The following CEP290 variants were observed in gnomAD, a reference collection of about 807,000 sequenced individuals.
CEP290 encodes centrosomal protein of 290 kDa.
A neutral mutation model predicts 344.9 loss-of-function variants in CEP290; 317 were observed. The ratio of observed to expected loss-of-function variants is 0.92; its 90% CI spans 0.84 to 1.01. The LOEUF (loss-of-function observed/expected upper bound fraction) is 1.01, where lower values mean the gene tolerates loss of function less well. Among genes scored for constraint, CEP290 ranks in the 50% least tolerant of loss-of-function variants. The pLI is 0.00. For synonymous variants in CEP290, 932 were observed against 895.8 expected (o/e 1.04, Z -0.72); for missense variants, 2,754 against 2,761.4 (o/e 1.00, Z 0.06).
At position 88,089,258 on chromosome 12, in the gene CEP290, T is replaced by C; in HGVS notation, c.3803A>G (p.Gln1268Arg). Residue 1268 changes from glutamine (Q) to arginine (R), a missense_variant, in exon 31 of 54, where the codon CAG becomes CGG. Gln to Arg is a conservative substitution (Grantham distance 43). Coordinates refer to ENST00000552810, the MANE Select transcript of CEP290 (RefSeq NM_025114.4). ...TCCACTAAACTGTCGTCGTAGAGAC[T>C]GAATTGTTTGGCGCAGATGTTTTGC... ...NRAKHLRQTIQSLRRQFSGAL... is the reference protein window; with the variant it reads ...NRAKHLRQTIRSLRRQFSGAL... The C allele has an allele frequency of 2.5e-6, 4 of 1,614,006 alleles. No individual in the cohort carries two copies. Among genetic ancestry groups the C allele is most frequent in the Non-Finnish European group, 3.4e-6 (4 of 1,179,866 alleles).
In CEP290 at chr12:88,079,187, C is replaced by T. The variant is rs1330130948; in HGVS notation, c.5269G>A (p.Ala1757Thr). The change falls in exon 39 of 54, where the codon GCA (alanine) becomes ACA (threonine). Residue 1757 changes from alanine (A) to threonine (T), a missense_variant. Transcript: ENST00000552810. The stretch of plus-strand genomic sequence containing the variant: ...GAAATAATACGTTCTTCAGCAGCTG[C>T]TGTCATTTCTGCCCGGAGTTCTAAA... The part of the protein sequence containing the change: ...ALLELRAEMT[A>T]AAEERIISAT... 1 of 1,600,362 alleles carries T rather than the reference C, an allele frequency of 6.2e-7. No individual in the cohort carries two copies. Among genetic ancestry groups the T allele is most frequent in the South Asian group, 1.1e-5 (1 of 87,492 alleles).
chr12:88,087,719 CAAAAAAA>C (rs375540609), intron 32 of CEP290, 54 bp downstream of exon 32: 42 of 129,642 alleles, frequency 3.2e-4, no homozygotes, highest in Non-Finnish European at 4.0e-4. Flanking sequence ...GACTCCATCT[CAAAAAAA>C]AAAAAAAAAA....
intron 26 of CEP290, among the ~76,000 whole-genome samples, 178 bp from the exon 27 acceptor site, chr12:88,097,177 T>A (rs966327598): frequency 6.6e-6 from 1 of 152,134 alleles, no homozygotes; most frequent in African/African-American, 2.4e-5. Flanking sequence ...CATATATATA[T>A]AATACTTGTA....
At chr12:88,127,924 T>C (rs1361666956) in intron 11 of CEP290, among the ~76,000 whole-genome samples, 2 of 152,160 alleles carry the variant, frequency 1.3e-5, no homozygotes, top group African/African-American at 4.8e-5. Flanking sequence ...TGAAATGGTA[T>C]TAAGTCAAAA....
intron 44 of CEP290, among the ~76,000 whole-genome samples, chr12:88,068,155 T>C (rs2035081359): frequency 6.6e-6 from 1 of 152,188 alleles, no homozygotes; most frequent in Non-Finnish European, 1.5e-5. Context: ...TAATGAGTTT[T>C]TATAAGCTAA....
At position 88,141,990 on chromosome 12, in the gene CEP290, G is replaced by C. The variant is rs886049887; in HGVS notation, c.-118C>G. 2.6e-5 allele frequency: 4 copies of C among 152,376 alleles called. No individual in the cohort carries two copies. The highest frequency in any genetic ancestry group is 4.1e-4 in the South Asian group (2 of 4,830). 9.4% of individuals were successfully genotyped at this position (152,376 alleles called of 1,614,324 possible). ...CGGGCCCTGACAGATCCCTATCGCG[G>C]TTCCACGCGGACTCTGGGTCCAGCC... On this transcript the variant is annotated 5_prime_UTR_variant, in exon 1 of 54. Transcript: ENST00000552810.
intron 45 of CEP290, among the ~76,000 whole-genome samples, chr12:88,063,051 T>A (rs1022756640): frequency 3.3e-5 from 5 of 151,112 alleles, no homozygotes; most frequent in South Asian, 2.1e-4. Context: ...ATATTGCACA[T>A]ATAGATCCTT....
At chr12:88,125,443 T>G (rs1428936654) in intron 12 of CEP290, 74 bp from the exon 13 acceptor site, 13 of 763,294 alleles carry the variant, frequency 1.7e-5, no homozygotes, top group Non-Finnish European at 1.8e-6. Flanking sequence ...AAAGTACGTC[T>G]GATTTTTTTC....
rs770168358 is a variant in CEP290, at chr12:88,050,408, T to C, written c.7155A>G (p.Ile2385Met). 6 of 1,562,230 alleles carry C rather than the reference T, an allele frequency of 3.8e-6. No individual in the cohort carries two copies. The highest frequency in any genetic ancestry group is 4.4e-6 in the Non-Finnish European group (5 of 1,142,968). The change falls in exon 53 of 54, where the codon ATA (isoleucine) becomes ATG (methionine). Residue 2385 changes from isoleucine to methionine, a missense_variant. By Grantham distance (10) the Ile-to-Met change is conservative. Coordinates refer to ENST00000552810, the MANE Select transcript of CEP290 (RefSeq NM_025114.4). ...TTTTGAGCTGTGTCTCTAGATCTTT[T>C]ATTTTTTCCTTTAGTTGATCAGCAT... is the stretch of plus-strand genomic sequence containing the variant. ...IPDADQLKEK[I>M]KDLETQLKMS...
At chr12:88,111,889 T>C (rs2038717285) in intron 20 of CEP290, 31 bp from the exon 21 acceptor site, 15 of 1,416,540 alleles carry the variant, frequency 1.1e-5, no homozygotes, top group Non-Finnish European at 1.4e-5. Flanking sequence ...ATTAGAAATG[T>C]GGAGAAAAAC....
chr12:88,129,046 A>AC lies in CEP290; in HGVS notation c.853-12_853-11insG, dbSNP rs71082425. ...TGTAAGCTCCTGCACCTAAAAGACA[A>AC]AGTTATTTCAAGAGTTGTTGCAAAC... On this transcript the variant is annotated splice_polypyrimidine_tract_variant and intron_variant, in intron 10 of 53. Coordinates refer to ENST00000552810, the MANE Select transcript of CEP290 (RefSeq NM_025114.4). 1,401,030 of 1,497,810 alleles carry AC rather than the reference A, an allele frequency of 0.94. 657,720 individuals are homozygous for AC. The highest frequency in any genetic ancestry group is 0.99 in the East Asian group (39,364 of 39,678). 92.8% of individuals were successfully genotyped at this position (1,497,810 alleles called of 1,614,324 possible). A position where few individuals can be genotyped will look rare whatever the true frequency, so the allele number is the denominator to read the frequency against.
intron 46 of CEP290, among the ~76,000 whole-genome samples, chr12:88,061,777 CTTT>C (rs869262265): frequency 9.7e-5 from 14 of 144,104 alleles, no homozygotes; most frequent in Admixed American, 6.3e-4. Flanking sequence ...AATATTTTTC[CTTT>C]TTTTTTTTTG....
chr12:88,107,211 T>C (rs986766277), intron 23 of CEP290, 113 bp from the exon 24 acceptor site: 9 of 574,080 alleles, frequency 1.6e-5, no homozygotes, highest in South Asian at 3.2e-5. Context: ...AGAGGTATCA[T>C]AGCTATTCAG....
intron 9 of CEP290, 44 bp downstream of exon 9, chr12:88,130,224 G>GT: frequency 6.5e-7 from 1 of 1,535,440 alleles, no homozygotes; most frequent in Non-Finnish European, 8.7e-7. Flanking sequence ...TGAAATTAAA[G>GT]TTTTTAGGAA....
At position 88,105,174 on chromosome 12, in the gene CEP290, T is replaced by C. The variant is rs2038185150; in HGVS notation, c.2817+1501A>G. Among the ~76,000 whole-genome samples the C allele has an allele frequency of 2.6e-5, 4 of 152,182 alleles. No individual in the cohort carries two copies. The South Asian group carries it at 6.2e-4, about 24-fold the overall frequency. ...ATGTAGGTAAGTCTAAGACATCTTA[T>C]GCTAGAAAACAAGTCAAGCTTTGAG... On this transcript the variant is annotated intron_variant, in intron 25 of 53. Coordinates refer to ENST00000552810, the MANE Select transcript of CEP290 (RefSeq NM_025114.4).
In CEP290 at chr12:88,083,249, T is replaced by C. The variant is rs764195951; in HGVS notation, c.4813-19A>G. ...TTAAATCCTATAAAATATGAATATATTAGCAATAGGCATGTATAATTCAAT... is the reference window on the plus strand; with the variant it reads ...TTAAATCCTATAAAATATGAATATACTAGCAATAGGCATGTATAATTCAAT... On this transcript the variant is annotated intron_variant, in intron 36 of 53. Transcript: ENST00000552810. The C allele has an allele frequency of 8.1e-6, 11 of 1,352,988 alleles. No individual in the cohort carries two copies. The highest frequency in any genetic ancestry group is 1.1e-5 in the Non-Finnish European group (11 of 1,022,766). 83.8% of individuals were successfully genotyped at this position (1,352,988 alleles called of 1,614,324 possible). A position where few individuals can be genotyped will look rare whatever the true frequency, so the allele number is the denominator to read the frequency against.
At position 88,089,111 on chromosome 12, in the gene CEP290, T is replaced by G. The variant is rs778137534; in HGVS notation, c.3950A>C (p.Lys1317Thr). 8 of 1,573,430 alleles carry G rather than the reference T, an allele frequency of 5.1e-6. No individual in the cohort carries two copies. The Middle Eastern group carries it at 1.0e-3, about 203-fold the overall frequency. ...TAATTTTAATTCCATCTCCAATGTT[T>G]TGTTCTCCATATTTCTATGTTCTTG... Reference protein sequence around the residue: ...SQQEHRNMENKTLEMELKLKG... With the variant: ...SQQEHRNMENTTLEMELKLKG... Residue 1317 changes from lysine to threonine, a missense_variant, in exon 31 of 54, where the codon AAA (lysine) becomes ACA (threonine). Lys to Thr is a moderately conservative substitution (Grantham distance 78). Transcript: ENST00000552810.
At chr12:88,125,971 T>C (rs1468667901) in intron 12 of CEP290, among the ~76,000 whole-genome samples, 1 of 152,058 alleles carries the variant, frequency 6.6e-6, no homozygotes, top group African/African-American at 2.4e-5. Flanking sequence ...AGGACTAAGA[T>C]ACAGTAAAAT....
rs575767207 is a variant in CEP290, at chr12:88,079,112, G to A, written c.5344C>T (p.Arg1782Ter). The A allele has an allele frequency of 1.1e-5, 18 of 1,590,492 alleles. No individual in the cohort carries two copies. Among genetic ancestry groups the A allele is most frequent in the African/African-American group, 2.7e-5 (2 of 73,482 alleles). The change falls in exon 39 of 54, where the codon CGA (arginine) becomes TGA (stop). Residue 1782 changes from arginine to a stop codon, truncating the protein, a stop_gained. Coordinates refer to ENST00000552810, the MANE Select transcript of CEP290 (RefSeq NM_025114.4). LOFTEE classifies it high-confidence loss of function. Reference sequence around the variant, plus strand: ...TTCACCTTTAGCTCTCTAGTATGTCGATCAACGATTTGTTGAACATTGAGA... The same window carrying A: ...TTCACCTTTAGCTCTCTAGTATGTCAATCAACGATTTGTTGAACATTGAGA... ...AHLNVQQIVD[R>*]HTRELKTQVE...
Sources: allele counts gnomAD v4.1 joint callset (sites outside exome capture counted in the v4.1 genomes callset), GRCh38; gene constraint gnomAD v4.1.1; transcripts MANE v1.5; gene names NCBI Gene and HGNC (gene_info 2026-07-23, HGNC 2026-07-21).